The following TSPAN18 variants were observed in gnomAD, a reference collection of about 807,000 sequenced individuals.
TSPAN18 encodes the protein tetraspanin 18.
TSPAN18 carries 14 observed loss-of-function variants against 27.3 expected under a neutral mutation model. The observed-to-expected ratio is 0.51, with a 90% CI of 0.34 to 0.80. The LOEUF (loss-of-function observed/expected upper bound fraction) is 0.80. Ranked by LOEUF, TSPAN18 falls within the 30% of genes least tolerant of loss-of-function variation. The pLI, the probability that TSPAN18 is intolerant of heterozygous loss-of-function variation, is 0.01. For synonymous variants in TSPAN18, 143 were observed against 136.5 expected (o/e 1.05, Z -0.33); for missense variants, 268 against 323.9 (o/e 0.83, Z 1.32).
At chr11:44,849,937 C>T (rs553007498) in intron 2 of TSPAN18, among the ~76,000 whole-genome samples, 5 of 152,262 alleles carry the variant, frequency 3.3e-5, no homozygotes, top group South Asian at 2.1e-4. Flanking sequence ...GGGGGGCATC[C>T]GACTTGTTGC....
chr11:44,906,377 G>T (rs372899419), intron 3 of TSPAN18, 30 bp from the exon 4 acceptor site: 1 of 1,611,528 alleles, frequency 6.2e-7, no homozygotes, highest in Admixed American at 1.7e-5. Context: ...GTCCCCCATC[G>T]GGAAGACTGA....
At position 44,796,102 on chromosome 11, in the gene TSPAN18, G is replaced by A. The variant is rs566110015; in HGVS notation, c.-153+31590G>A. Among the ~76,000 whole-genome samples the A allele has an allele frequency of 2.6e-5, 4 of 152,276 alleles. No individual in the cohort carries two copies. In the South Asian group the frequency reaches 8.3e-4, roughly 32 times the overall value. ...TCATTTGCCCCAGTGTTCAGGAGAC[G>A]CTTTGCCCACATCTGCTTTTAAAGA... On this transcript the variant is annotated intron_variant, in intron 2 of 9. Coordinates refer to ENST00000520358, the MANE Select transcript of TSPAN18 (RefSeq NM_130783.5).
At position 44,758,781 on chromosome 11, in the gene TSPAN18, T is replaced by A. The variant is rs539737239; in HGVS notation, c.-239-5645T>A. ...GCTGGGATAGAGAATTTTCCTGATG[T>A]CACATTGGTAGCAAGAGGCAGAACT... On this transcript the variant is annotated intron_variant, in intron 1 of 9. Transcript: ENST00000520358. Among the ~76,000 whole-genome samples the A allele has an allele frequency of 2.0e-5, 3 of 152,298 alleles. No homozygotes were observed. The South Asian group carries it at 6.2e-4, about 32-fold the overall frequency.
intron 2 of TSPAN18, among the ~76,000 whole-genome samples, chr11:44,844,159 T>A (rs547507449): frequency 2.0e-5 from 3 of 152,346 alleles, no homozygotes; most frequent in African/African-American, 7.2e-5. Flanking sequence ...AAAATCTTCA[T>A]AATCCACATT....
At chr11:44,811,757 C>T (rs773089265) in intron 2 of TSPAN18, among the ~76,000 whole-genome samples, 20 of 152,168 alleles carry the variant, frequency 1.3e-4, no homozygotes, top group Non-Finnish European at 2.4e-4. Context: ...CCACTGCACC[C>T]GGCCTATGTT....
At chr11:44,748,107 AGAGAGATCATCATTTTCT>A (rs1238036831) in intron 1 of TSPAN18, among the ~76,000 whole-genome samples, 1 of 152,180 alleles carries the variant, frequency 6.6e-6, no homozygotes, top group African/African-American at 2.4e-5. Context: ...GTTTATGTTT[AGAGAGATCATCATTTTCT>A]GGCCGGGCAT....
intron 2 of TSPAN18, among the ~76,000 whole-genome samples, chr11:44,777,253 A>G (rs1207031194): frequency 9.2e-5 from 14 of 152,004 alleles, no homozygotes; most frequent in Non-Finnish European, 4.4e-5. Context: ...ATATCAAGGG[A>G]TCCATGGAGT....
intron 3 of TSPAN18, among the ~76,000 whole-genome samples, chr11:44,900,680 CTTTTTTTTTTTTTTTT>C (rs72469181): frequency 8.0e-5 from 4 of 49,702 alleles, no homozygotes; most frequent in African/African-American, 1.8e-4. Flanking sequence ...TTGAGGAAGG[CTTTTTTTTTTTTTTTT>C]TTTTTTTTTT....
At chr11:44,756,322 G>A (rs993888597) in intron 1 of TSPAN18, among the ~76,000 whole-genome samples, 1 of 141,826 alleles carries the variant, frequency 7.1e-6, no homozygotes, top group Non-Finnish European at 1.6e-5. Context: ...AGGGAGGGAG[G>A]GAGGGAAGGG....
At chr11:44,726,612 C>G (rs1854507700), upstream of TSPAN18, 1 of 152,010 alleles carries the variant, frequency 6.6e-6, no homozygotes, top group Admixed American at 6.5e-5. Flanking sequence ...GAAAGTTCCC[C>G]TGGAATAAAC....
chr11:44,846,653 C>A (rs1307131446), intron 2 of TSPAN18, among the ~76,000 whole-genome samples: 1 of 151,550 alleles, frequency 6.6e-6, no homozygotes, highest in Non-Finnish European at 1.5e-5. Flanking sequence ...TGTGCTGGGG[C>A]CAACCCTAGC....
chr11:44,930,366 A>G lies in TSPAN18; in HGVS notation c.*1188A>G, dbSNP rs1195994940. On this transcript the variant is annotated 3_prime_UTR_variant, in exon 10 of 10. Transcript: ENST00000520358. ...TGACTTTAGCATCAGCTTAATACAC[A>G]GAAGAGGTTTCTGTTTTTCTGTGGC... 4 of 161,126 alleles carry G rather than the reference A, an allele frequency of 2.5e-5. No homozygotes were observed. The highest frequency in any genetic ancestry group is 5.4e-5 in the Non-Finnish European group (4 of 73,902). The allele number at this position is 161,126 out of a possible 1,614,324, so 10.0% of individuals were successfully genotyped here.
intron 1 of TSPAN18, among the ~76,000 whole-genome samples, chr11:44,735,722 T>C (rs10769075): frequency 0.13 from 19,304 of 151,912 alleles, 2,498 homozygotes; most frequent in East Asian, 0.69. Flanking sequence ...GTTCATACCA[T>C]TCTCCTGCCT....
intron 3 of TSPAN18, among the ~76,000 whole-genome samples, chr11:44,866,303 G>A (rs1377216618): frequency 6.6e-6 from 1 of 152,148 alleles, no homozygotes. Context: ...CTCCCTCCAC[G>A]AATTTGAAAG....
At chr11:44,804,908 G>C (rs1856559785) in intron 2 of TSPAN18, among the ~76,000 whole-genome samples, 1 of 152,214 alleles carries the variant, frequency 6.6e-6, no homozygotes, top group African/African-American at 2.4e-5. Context: ...AGAACAGGCT[G>C]TTTAAGTGGG....
chr11:44,889,876 T>C (rs1241630784), intron 3 of TSPAN18, among the ~76,000 whole-genome samples: 1 of 152,230 alleles, frequency 6.6e-6, no homozygotes, highest in Non-Finnish European at 1.5e-5. Flanking sequence ...ATCCAAATCT[T>C]AGGGCTAGGT....
chr11:44,801,030 A>C (rs775078912), intron 2 of TSPAN18, among the ~76,000 whole-genome samples: 10 of 152,194 alleles, frequency 6.6e-5, no homozygotes, highest in Non-Finnish European at 1.2e-4. Flanking sequence ...AAGCTTTTTA[A>C]ACTGTACAGT....
intron 2 of TSPAN18, among the ~76,000 whole-genome samples, chr11:44,803,601 C>T (rs1856529224): frequency 6.6e-6 from 1 of 152,104 alleles, no homozygotes; most frequent in Non-Finnish European, 1.5e-5. Context: ...TTGTCTACTG[C>T]AAGGATCCAA....
chr11:44,774,786 A>T (rs1295808379), intron 2 of TSPAN18, among the ~76,000 whole-genome samples: 1 of 152,186 alleles, frequency 6.6e-6, no homozygotes, highest in Non-Finnish European at 1.5e-5. Context: ...AAAAGATAAG[A>T]AAAGTTGAGC....
Sources: gnomAD v4.1 joint callset for allele counts (sites outside exome capture counted in the v4.1 genomes callset) on GRCh38, gnomAD v4.1.1 for gene constraint, MANE v1.5 for transcripts, NCBI Gene and HGNC (gene_info 2026-07-23, HGNC 2026-07-21) for gene names.